The following NKAIN2 variants were observed in gnomAD, a reference collection of about 807,000 sequenced individuals.
NKAIN2 encodes the protein sodium/potassium transporting ATPase interacting 2, also known as sodium/potassium-transporting ATPase subunit beta-1-interacting protein 2.
In NKAIN2, 14 loss-of-function variants were observed where a neutral mutation model predicts 32.6. The observed-to-expected ratio is 0.43, with a 90% CI of 0.28 to 0.67. The LOEUF (loss-of-function observed/expected upper bound fraction) is 0.67, where lower values mean the gene tolerates loss of function less well. Ranked by LOEUF, NKAIN2 falls within the 30% of genes least tolerant of loss-of-function variation. The pLI, the probability that NKAIN2 is intolerant of heterozygous loss-of-function variation, is 0.17. For synonymous variants in NKAIN2, 80 were observed against 87.2 expected (o/e 0.92, Z 0.46); for missense variants, 198 against 258.3 (o/e 0.77, Z 1.60).
At chr6:123,896,047 G>A (rs769905397) in intron 1 of NKAIN2, among the ~76,000 whole-genome samples, 6 of 152,134 alleles carry the variant, frequency 3.9e-5, no homozygotes, top group Non-Finnish European at 8.8e-5. Context: ...TATTACATTT[G>A]CAGCTGCATC....
chr6:124,743,464 A>G (rs1377800064), intron 4 of NKAIN2, among the ~76,000 whole-genome samples: 1 of 151,794 alleles, frequency 6.6e-6, no homozygotes, highest in Non-Finnish European at 1.5e-5. Flanking sequence ...ATAAATTGCC[A>G]TTTATTCTAC....
chr6:123,869,698 T>C (rs2114275481), intron 1 of NKAIN2, among the ~76,000 whole-genome samples: 1 of 152,322 alleles, frequency 6.6e-6, no homozygotes, highest in South Asian at 2.1e-4. Flanking sequence ...TTCTATTTAG[T>C]TTACTTAAAT....
chr6:124,404,537 T>G (rs1773762412), intron 3 of NKAIN2, among the ~76,000 whole-genome samples: 1 of 152,168 alleles, frequency 6.6e-6, no homozygotes, highest in Admixed American at 6.6e-5. Context: ...GCTTTTAGAA[T>G]TTATTCTGCT....
intron 1 of NKAIN2, among the ~76,000 whole-genome samples, chr6:123,896,193 A>C (rs180937905): frequency 6.6e-6 from 1 of 152,348 alleles, no homozygotes; most frequent in East Asian, 1.9e-4. Context: ...GACTTACTGA[A>C]TGCTTGCTGT....
intron 1 of NKAIN2, among the ~76,000 whole-genome samples, chr6:124,155,965 A>G (rs193270210): frequency 5.0e-4 from 73 of 146,988 alleles, no homozygotes; most frequent in Non-Finnish European, 8.5e-4. Flanking sequence ...AGAGAATGGA[A>G]AAAAAAAAAA....
chr6:124,809,055 G>C (rs1780746342), intron 5 of NKAIN2, among the ~76,000 whole-genome samples: 1 of 152,148 alleles, frequency 6.6e-6, no homozygotes, highest in South Asian at 2.1e-4. Flanking sequence ...TGGCCATACT[G>C]CCCAAGGTAA....
At chr6:124,547,534 A>G (rs1359816502) in intron 3 of NKAIN2, among the ~76,000 whole-genome samples, 1 of 152,224 alleles carries the variant, frequency 6.6e-6, no homozygotes, top group Non-Finnish European at 1.5e-5. Context: ...ATTATCCTTT[A>G]CATTTGTTCA....
chr6:124,339,797 A>G (rs1045947737), intron 2 of NKAIN2, among the ~76,000 whole-genome samples: 1 of 152,148 alleles, frequency 6.6e-6, no homozygotes, highest in Non-Finnish European at 1.5e-5. Flanking sequence ...CGAGAGAGCC[A>G]TTTCCCAGCC....
chr6:124,278,466 G>A (rs1266704850), intron 1 of NKAIN2, among the ~76,000 whole-genome samples: 2 of 151,406 alleles, frequency 1.3e-5, no homozygotes, highest in Non-Finnish European at 3.0e-5. Flanking sequence ...TATCACAAAG[G>A]TTTTGAAAAC....
chr6:123,812,853 C>T (rs1200595957), intron 1 of NKAIN2, among the ~76,000 whole-genome samples: 1 of 152,196 alleles, frequency 6.6e-6, no homozygotes, highest in African/African-American at 2.4e-5. Context: ...ACAAATGAGT[C>T]TTAGTTTGAA....
At chr6:123,847,183 T>C (rs1161776748) in intron 1 of NKAIN2, among the ~76,000 whole-genome samples, 4 of 152,206 alleles carry the variant, frequency 2.6e-5, no homozygotes, top group Admixed American at 2.6e-4. Context: ...AAAGGAAACA[T>C]ATTCTGCCAT....
chr6:124,716,266 G>C (rs1340634365), intron 4 of NKAIN2, among the ~76,000 whole-genome samples: 1 of 152,140 alleles, frequency 6.6e-6, no homozygotes, highest in African/African-American at 2.4e-5. Flanking sequence ...CAAATTACAG[G>C]GTAGTTGCCA....
chr6:124,536,198 A>T (rs1343201363), intron 3 of NKAIN2, among the ~76,000 whole-genome samples: 1 of 152,358 alleles, frequency 6.6e-6, no homozygotes, highest in East Asian at 1.9e-4. Flanking sequence ...AAAAATGTAG[A>T]CATGAAATGG....
rs905992372 is a variant in NKAIN2, at chr6:124,035,135, G to C, written c.54+230881G>C. Among the ~76,000 whole-genome samples the C allele has an allele frequency of 2.0e-5, 3 of 152,028 alleles. No homozygotes were observed. The East Asian group carries it at 5.8e-4, about 29-fold the overall frequency. ...AAATGCAAGAAAATACAGAAATTGA[G>C]CATCCCCTTCAAGAGATGCTAAGGA... On this transcript the variant is annotated intron_variant, in intron 1 of 6. Coordinates refer to ENST00000368417, the MANE Select transcript of NKAIN2 (RefSeq NM_001040214.3).
intron 3 of NKAIN2, among the ~76,000 whole-genome samples, chr6:124,641,352 A>G (rs1783978798): frequency 6.6e-6 from 1 of 152,124 alleles, no homozygotes; most frequent in Non-Finnish European, 1.5e-5. Flanking sequence ...GGCAGTCGCG[A>G]TAAGACTTGG....
intron 3 of NKAIN2, among the ~76,000 whole-genome samples, chr6:124,498,483 G>C: frequency 6.6e-6 from 1 of 152,126 alleles, no homozygotes; most frequent in South Asian, 2.1e-4. Flanking sequence ...GAGGTTAAAG[G>C]AAAGGGGCTA....
intron 2 of NKAIN2, among the ~76,000 whole-genome samples, chr6:124,347,979 G>A (rs1020887406): frequency 6.6e-6 from 1 of 152,046 alleles, no homozygotes; most frequent in African/African-American, 2.4e-5. Context: ...TCTACTTTTG[G>A]TCTTTGATGA....
intron 1 of NKAIN2, among the ~76,000 whole-genome samples, chr6:123,825,937 T>A (rs1332662191): frequency 6.6e-6 from 1 of 152,170 alleles, no homozygotes. Flanking sequence ...TTAAAAGTGA[T>A]TAAGAACTGC....
chr6:124,023,375 C>T (rs1780959713), intron 1 of NKAIN2, among the ~76,000 whole-genome samples: 1 of 152,022 alleles, frequency 6.6e-6, no homozygotes, highest in Non-Finnish European at 1.5e-5. Flanking sequence ...CACACTTCTC[C>T]CACTTTGTTT....
Sources: allele counts gnomAD v4.1 joint callset (sites outside exome capture counted in the v4.1 genomes callset), GRCh38; gene constraint gnomAD v4.1.1; transcripts MANE v1.5; gene names NCBI Gene and HGNC (gene_info 2026-07-23, HGNC 2026-07-21).